CSMD1: variants seen among roughly 807,000 people sequenced by gnomAD.
CSMD1 encodes CUB and Sushi multiple domains 1.
A neutral mutation model predicts 417.5 loss-of-function variants in CSMD1; 213 were observed. That is an observed-to-expected ratio of 0.51 (90% CI 0.46 to 0.57). The LOEUF is 0.57. Among genes scored for constraint, CSMD1 ranks in the 20% least tolerant of loss-of-function variants. The probability of loss-of-function intolerance (pLI) is 0.00; values close to 1 mark genes in which losing one functional copy is unlikely to be tolerated. For synonymous variants in CSMD1, 2,862 were observed against 1,736.8 expected, an observed-to-expected ratio of 1.65 and a Z score of -16.11; for missense variants, 6,923 against 4,529.7, an observed-to-expected ratio of 1.53 and a Z score of -15.17.
intron 1 of CSMD1, among the ~76,000 whole-genome samples, chr8:4,902,793 C>A (rs865804670): frequency 5.3e-5 from 8 of 151,984 alleles, no homozygotes; most frequent in Non-Finnish European, 8.8e-5. Context: ...AACACAGTTA[C>A]CAGGTTCATG....
At chr8:3,370,326 G>A (rs772843084) in intron 18 of CSMD1, among the ~76,000 whole-genome samples, 1 of 152,218 alleles carries the variant, frequency 6.6e-6, no homozygotes, top group Non-Finnish European at 1.5e-5. Context: ...CCGGAGGGTA[G>A]AGGCAGGAAA....
At chr8:4,623,404 C>G (rs1219138955) in intron 2 of CSMD1, among the ~76,000 whole-genome samples, 1 of 152,064 alleles carries the variant, frequency 6.6e-6, no homozygotes, top group Non-Finnish European at 1.5e-5. Context: ...ATGGGACTAC[C>G]AGATTAGAAA....
chr8:4,477,906 G>A (rs1800889221), intron 2 of CSMD1, among the ~76,000 whole-genome samples: 1 of 152,166 alleles, frequency 6.6e-6, no homozygotes, highest in South Asian at 2.1e-4. Context: ...GGCAAAACCT[G>A]ATACCTGATC....
chr8:3,263,353 C>G (rs958835118), intron 26 of CSMD1, among the ~76,000 whole-genome samples: 2 of 152,214 alleles, frequency 1.3e-5, no homozygotes, highest in African/African-American at 2.4e-5. Context: ...CCTGCCTTGA[C>G]CTGCCAAAGT....
intron 1 of CSMD1, among the ~76,000 whole-genome samples, chr8:4,922,673 C>A (rs1394667407): frequency 6.6e-6 from 1 of 152,146 alleles, no homozygotes; most frequent in Non-Finnish European, 1.5e-5. Flanking sequence ...TGGGAAATTT[C>A]TGAGAGCCCC....
chr8:3,242,845 A>G (rs903456660), intron 26 of CSMD1, among the ~76,000 whole-genome samples: 10 of 151,470 alleles, frequency 6.6e-5, no homozygotes, highest in Non-Finnish European at 2.9e-5. Flanking sequence ...ATAAGAGGTC[A>G]GGGCGCAGAA....
intron 3 of CSMD1, among the ~76,000 whole-genome samples, chr8:4,344,956 A>G (rs1800697439): frequency 6.6e-6 from 1 of 152,084 alleles, no homozygotes; most frequent in African/African-American, 2.4e-5. Context: ...ATGTGCAAAG[A>G]TTAAGGAATT....
chr8:4,230,782 G>A (rs1450829341), intron 3 of CSMD1, among the ~76,000 whole-genome samples: 1 of 151,892 alleles, frequency 6.6e-6, no homozygotes, highest in Non-Finnish European at 1.5e-5. Context: ...TGACTTTCAA[G>A]TAATTTTTAC....
intron 1 of CSMD1, among the ~76,000 whole-genome samples, chr8:4,772,349 CCATT>C (rs1412216897): frequency 6.6e-6 from 1 of 152,138 alleles, no homozygotes; most frequent in Non-Finnish European, 1.5e-5. Context: ...TTTTCTGACT[CCATT>C]CAAAGAAAGT....
At chr8:4,451,836 T>A (rs1415048749) in intron 2 of CSMD1, among the ~76,000 whole-genome samples, 1 of 152,014 alleles carries the variant, frequency 6.6e-6, no homozygotes, top group South Asian at 2.1e-4. Context: ...GAGTTTTGTT[T>A]ACGTAATTCA....
chr8:3,513,896 C>G (rs961747402), intron 10 of CSMD1, among the ~76,000 whole-genome samples: 2 of 152,102 alleles, frequency 1.3e-5, no homozygotes, highest in African/African-American at 4.8e-5. Flanking sequence ...AAGGTTATAA[C>G]CACAGAATAA....
At chr8:4,982,512 A>C (rs1232161325) in intron 1 of CSMD1, among the ~76,000 whole-genome samples, 2 of 152,194 alleles carry the variant, frequency 1.3e-5, no homozygotes, top group Non-Finnish European at 2.9e-5. Context: ...AAAGTGGCTC[A>C]AATCTCTTCT....
At chr8:3,981,013 G>C (rs983256572) in intron 5 of CSMD1, among the ~76,000 whole-genome samples, 1 of 152,148 alleles carries the variant, frequency 6.6e-6, no homozygotes, top group Non-Finnish European at 1.5e-5. Flanking sequence ...GGTTCTTCAA[G>C]GTTCAACTAT....
chr8:3,872,858 A>G (rs1432635236), intron 5 of CSMD1, among the ~76,000 whole-genome samples: 1 of 152,136 alleles, frequency 6.6e-6, no homozygotes, highest in Non-Finnish European at 1.5e-5. Flanking sequence ...AAAAGAAAGA[A>G]AAAAGAAAAC....
In CSMD1 at chr8:4,190,850, A is replaced by T. The variant is rs77252375; in HGVS notation, c.416-158751T>A. 1.6e-3 allele frequency among the ~76,000 whole-genome samples: 242 copies of T among 152,210 alleles called. 1 individual carries two copies. Among genetic ancestry groups the T allele is most frequent in the African/African-American group, 5.8e-3 (239 of 41,518 alleles). ...ACCCTTCGCAAACTGATGCAGGAAC[A>T]GAAAACCAAATACCACATGATCTGA... is the stretch of plus-strand genomic sequence containing the variant. On this transcript the variant is annotated intron_variant, in intron 3 of 69. Coordinates refer to ENST00000635120, the MANE Select transcript of CSMD1 (RefSeq NM_033225.6).
intron 41 of CSMD1, among the ~76,000 whole-genome samples, chr8:3,138,477 A>G (rs943462164): frequency 4.6e-5 from 7 of 152,184 alleles, no homozygotes; most frequent in African/African-American, 1.7e-4. Flanking sequence ...CTGAGTCCAG[A>G]AGTAGAGAGA....
chr8:3,408,491 A>G (rs965202384), intron 13 of CSMD1, among the ~76,000 whole-genome samples: 2 of 152,214 alleles, frequency 1.3e-5, no homozygotes, highest in African/African-American at 2.4e-5. Flanking sequence ...TTTCCAGTTG[A>G]CTGAAAACGT....
At chr8:4,090,532 T>C (rs151037600) in intron 3 of CSMD1, among the ~76,000 whole-genome samples, 235 of 152,318 alleles carry the variant, frequency 1.5e-3, no homozygotes, top group African/African-American at 5.5e-3. Flanking sequence ...CACCTCTTCA[T>C]GTCTTGGATT....
At chr8:4,809,810 A>T (rs779049782) in intron 1 of CSMD1, among the ~76,000 whole-genome samples, 17 of 152,164 alleles carry the variant, frequency 1.1e-4, no homozygotes, top group Non-Finnish European at 2.4e-4. Context: ...TTATGCTTCT[A>T]GTACATATCA....
Sources: allele counts gnomAD v4.1 joint callset (sites outside exome capture counted in the v4.1 genomes callset), GRCh38; gene constraint gnomAD v4.1.1; transcripts MANE v1.5; gene names NCBI Gene and HGNC (gene_info 2026-07-23, HGNC 2026-07-21).